ABHD2: variants seen among roughly 807,000 people sequenced by gnomAD.
The protein encoded by ABHD2 is monoacylglycerol lipase ABHD2.
In ABHD2, 20 loss-of-function variants were observed where a neutral mutation model predicts 48.1. The observed-to-expected ratio is 0.42, with a 90% CI of 0.29 to 0.60. The LOEUF (loss-of-function observed/expected upper bound fraction) is 0.60. Ranked by LOEUF, ABHD2 falls within the 20% of genes least tolerant of loss-of-function variation. The pLI is 0.24. For missense variants in ABHD2, 405 were observed against 550.9 expected, an observed-to-expected ratio of 0.74 and a Z score of 2.65; for synonymous variants, 209 against 214.2, an observed-to-expected ratio of 0.98 and a Z score of 0.21.
the ABHD2 span, among the ~76,000 whole-genome samples, chr15:89,074,976 C>G: frequency 1.1e-4 from 17 of 152,128 alleles, no homozygotes; most frequent in Admixed American, 1.0e-3. Context: ...AGCCTCATTC[C>G]CTTCACCCCC....
chr15:89,193,920 CA>C (rs60255237), intron 10 of ABHD2, among the ~76,000 whole-genome samples: 84,081 of 103,362 alleles, frequency 0.81, 33,214 homozygotes, highest in African/African-American at 0.82. Context: ...GACTCCGTCT[CA>C]AAAAAAAAAA....
intron 3 of ABHD2, among the ~76,000 whole-genome samples, chr15:89,140,639 G>A (rs765754526): frequency 6.6e-6 from 1 of 151,940 alleles, no homozygotes; most frequent in Admixed American, 6.6e-5. Context: ...TGACCCTTCT[G>A]CCAGCTTCTC....
chr15:89,154,872 A>G lies in ABHD2; in HGVS notation c.371-495A>G, dbSNP rs74835937. Reference sequence around the variant, plus strand: ...ACCTAATGCATATATATTGTTTTACATATGTACAATTACATCTGTCGGATA... The same window carrying G: ...ACCTAATGCATATATATTGTTTTACGTATGTACAATTACATCTGTCGGATA... On this transcript the variant is annotated intron_variant, in intron 4 of 10. Coordinates refer to ENST00000352732, the MANE Select transcript of ABHD2 (RefSeq NM_152924.5). 6.0e-3 allele frequency among the ~76,000 whole-genome samples: 910 copies of G among 152,332 alleles called. 14 individuals carry two copies. The highest frequency in any genetic ancestry group is 0.021 in the African/African-American group (863 of 41,572).
intron 1 of ABHD2, among the ~76,000 whole-genome samples, chr15:89,095,219 T>G (rs575358368): frequency 2.0e-5 from 3 of 152,216 alleles, no homozygotes; most frequent in Non-Finnish European, 2.9e-5. Context: ...GGGCCTAAAG[T>G]CGAGGATTCT....
chr15:89,043,027 C>T, the ABHD2 span, among the ~76,000 whole-genome samples: 16 of 151,980 alleles, frequency 1.1e-4, no homozygotes, highest in African/African-American at 3.1e-4. Context: ...ACATATTCCA[C>T]GGCTTGCCGT....
At chr15:89,043,549 A>AAGG in the ABHD2 span, among the ~76,000 whole-genome samples, 1 of 140,268 alleles carries the variant, frequency 7.1e-6, no homozygotes, top group Non-Finnish European at 1.5e-5. Flanking sequence ...GGGAAAGAGG[A>AAGG]AGGAGGAGGA....
chr15:89,054,506 C>A, the ABHD2 span, among the ~76,000 whole-genome samples: 9 of 151,598 alleles, frequency 5.9e-5, no homozygotes, highest in South Asian at 1.5e-3. Flanking sequence ...CAGGATGAAA[C>A]CCCATCTCTA....
At chr15:89,135,170 A>G (rs1013553108) in intron 3 of ABHD2, among the ~76,000 whole-genome samples, 1 of 118,470 alleles carries the variant, frequency 8.4e-6, no homozygotes, top group African/African-American at 3.0e-5. Context: ...TTGCAATTAC[A>G]GAGTGGTATT....
At chr15:89,057,919 T>G in the ABHD2 span, among the ~76,000 whole-genome samples, 1 of 152,164 alleles carries the variant, frequency 6.6e-6, no homozygotes, top group South Asian at 2.1e-4. Flanking sequence ...CTGCAGCTCT[T>G]CGCCCTCTAC....
chr15:89,140,928 G>C (rs923999310), intron 3 of ABHD2, among the ~76,000 whole-genome samples: 5 of 152,010 alleles, frequency 3.3e-5, no homozygotes, highest in Non-Finnish European at 7.4e-5. Context: ...GTTACTAAGG[G>C]ATGCTCAGGG....
rs1226436466 is a variant in ABHD2, at chr15:89,201,353, T to C, written c.*5930T>C. 3 of 1,045,550 alleles carry C rather than the reference T, an allele frequency of 2.9e-6. No homozygotes were observed. The highest frequency in any genetic ancestry group is 2.0e-5 in the Admixed American group (1 of 50,890). 64.8% of individuals were successfully genotyped at this position (1,045,550 alleles called of 1,614,324 possible). A position where few individuals can be genotyped will look rare whatever the true frequency, so the allele number is the denominator to read the frequency against. ...ACTGTGTGGTTGTGGCGTGGGCCCG[T>C]CTTGCTTAGATGCATTCAGTGGGAC... is the stretch of plus-strand genomic sequence containing the variant. On this transcript the variant is annotated 3_prime_UTR_variant, in exon 11 of 11. Coordinates refer to ENST00000352732, the MANE Select transcript of ABHD2 (RefSeq NM_152924.5).
chr15:89,121,249 G>C (rs540820983), intron 3 of ABHD2, among the ~76,000 whole-genome samples: 20 of 152,292 alleles, frequency 1.3e-4, no homozygotes, highest in Middle Eastern at 6.8e-3. Context: ...AAATAGGTGT[G>C]TCTCCCATGG....
chr15:89,136,475 C>T (rs963562230), intron 3 of ABHD2: 19 of 444,930 alleles, frequency 4.3e-5, no homozygotes, highest in Non-Finnish European at 8.0e-5. Context: ...CTCTTGGCTT[C>T]TTAGGGTCTC....
At chr15:89,160,136 T>A (rs1452055434) in intron 5 of ABHD2, among the ~76,000 whole-genome samples, 1 of 152,254 alleles carries the variant, frequency 6.6e-6, no homozygotes, top group Non-Finnish European at 1.5e-5. Context: ...ATAAAGTTTT[T>A]AATAAATGTT....
intron 5 of ABHD2, among the ~76,000 whole-genome samples, chr15:89,158,273 C>T (rs2050706987): frequency 6.6e-6 from 1 of 152,186 alleles, no homozygotes; most frequent in Non-Finnish European, 1.5e-5. Context: ...GGCACAGAGC[C>T]AGTAAGTAGA....
chr15:89,136,352 C>T, intron 3 of ABHD2: 1 of 523,712 alleles, frequency 1.9e-6, no homozygotes. Context: ...TGGTCTTCCA[C>T]CTCTCTGAGC....
chr15:89,068,360 G>C, the ABHD2 span, among the ~76,000 whole-genome samples: 1 of 152,286 alleles, frequency 6.6e-6, no homozygotes, highest in African/African-American at 2.4e-5. Context: ...ACAGCAACTA[G>C]CAGGGGTGGC....
In ABHD2 at chr15:89,168,390, A is replaced by G. The variant is rs2150916213; in HGVS notation, c.539-7422A>G. 6.6e-6 allele frequency among the ~76,000 whole-genome samples: 1 copy of G among 152,366 alleles called. No homozygotes were observed. The highest frequency in any genetic ancestry group is 6.5e-5 in the Admixed American group (1 of 15,308). On this transcript the variant is annotated intron_variant, in intron 5 of 10. Transcript: ENST00000352732. This position sits in a 1 kb window ranked among gnomAD's most constrained non-coding sequence, Gnocchi z 4.8. ...GCCTCATTTAAAAACAGATTAATGT[A>G]GCTGTTAGTAATAACAGGCCAGGGA...
chr15:89,130,951 A>G (rs1414754721), intron 3 of ABHD2, among the ~76,000 whole-genome samples: 1 of 152,224 alleles, frequency 6.6e-6, no homozygotes, highest in East Asian at 1.9e-4. Flanking sequence ...TCATGGCCAC[A>G]GGCAGCAGCC....
Sources: gnomAD v4.1 joint callset for allele counts (sites outside exome capture counted in the v4.1 genomes callset) on GRCh38, gnomAD v4.1.1 for gene constraint, Gnocchi (gnomAD v3.1) non-coding constraint, MANE v1.5 for transcripts, NCBI Gene and HGNC (gene_info 2026-07-23, HGNC 2026-07-21) for gene names.